Variants in EPB41L5 observed in about 807,000 individuals in gnomAD.
EPB41L5 encodes band 4.1-like protein 5.
A neutral mutation model predicts 106.6 loss-of-function variants in EPB41L5; 55 were observed. The observed-to-expected ratio is 0.52, with a 90% CI of 0.42 to 0.65. The LOEUF (loss-of-function observed/expected upper bound fraction) is 0.65. Among genes scored for constraint, EPB41L5 ranks in the 30% least tolerant of loss-of-function variants. The pLI, the probability that EPB41L5 is intolerant of heterozygous loss-of-function variation, is 0.00. For missense variants in EPB41L5, 871 were observed against 882.1 expected (o/e 0.99, Z 0.16); for synonymous variants, 297 against 306.7 (o/e 0.97, Z 0.33).
At chr2:120,020,569 T>A (rs1322644432) in intron 2 of EPB41L5, among the ~76,000 whole-genome samples, 1 of 136,900 alleles carries the variant, frequency 7.3e-6, no homozygotes, top group Admixed American at 7.9e-5. Flanking sequence ...TGTAAGTGCT[T>A]CTTGAGGGTT....
chr2:120,019,372 T>G, intron 2 of EPB41L5, 108 bp downstream of exon 2: 2 of 986,294 alleles, frequency 2.0e-6, no homozygotes, highest in Non-Finnish European at 3.0e-6. Flanking sequence ...GTAAAGGTAT[T>G]ATGGGTTAGT....
chr2:120,107,850 T>C (rs1010734926), intron 16 of EPB41L5, among the ~76,000 whole-genome samples: 10 of 152,224 alleles, frequency 6.6e-5, no homozygotes, highest in Non-Finnish European at 1.3e-4. Flanking sequence ...GTGTAAAATA[T>C]GTCAAGGAAC....
chr2:120,142,926 T>A, intron 18 of EPB41L5, 77 bp from the exon 19 acceptor site: 1 of 1,327,764 alleles, frequency 7.5e-7, no homozygotes, highest in Non-Finnish European at 1.1e-6. Flanking sequence ...GCAGATGAAC[T>A]TTCATCAGTC....
chr2:120,078,608 C>G (rs376968467), intron 10 of EPB41L5, 27 bp downstream of exon 10: 7 of 1,492,688 alleles, frequency 4.7e-6, no homozygotes, highest in Non-Finnish European at 6.5e-6. Flanking sequence ...GTCAAAGATA[C>G]TTACTGTTGT....
In EPB41L5 at chr2:120,158,557, C is replaced by G. The variant is rs774864294; in HGVS notation, c.1794-2324C>G. On this transcript the variant is annotated intron_variant, in intron 20 of 24. Transcript: ENST00000263713. Reference sequence around the variant, plus strand: ...TCAACACTGCTTCGGGTTAAAAACTCTCAATAAAAGAAGTATTCAAGGAAC... The same window carrying G: ...TCAACACTGCTTCGGGTTAAAAACTGTCAATAAAAGAAGTATTCAAGGAAC... Among the ~76,000 whole-genome samples, 137 of 152,154 alleles carry G rather than the reference C, an allele frequency of 9.0e-4. 3 individuals are homozygous for G. The highest frequency in any genetic ancestry group is 2.6e-4 in the Non-Finnish European group (18 of 68,028).
intron 20 of EPB41L5, among the ~76,000 whole-genome samples, chr2:120,155,177 G>A (rs953498329): frequency 6.6e-6 from 1 of 152,070 alleles, no homozygotes; most frequent in Non-Finnish European, 1.5e-5. Context: ...AGCATTTTAT[G>A]TAAGGAATAT....
In EPB41L5 at chr2:120,093,161, G is replaced by A; in HGVS notation, c.1151-88G>A. ...ATGGTTGTGAAACATGGCTTGTAAA[G>A]CAATTAGTTAAAGTTTTGCTTTGAA... On this transcript the variant is annotated intron_variant, in intron 13 of 24. Transcript: ENST00000263713. 5 of 1,033,334 alleles carry A rather than the reference G, an allele frequency of 4.8e-6. No homozygotes were observed. In the East Asian group the frequency reaches 7.1e-5, roughly 15 times the overall value. The allele number at this position is 1,033,334 out of a possible 1,614,324, so 64.0% of individuals were successfully genotyped here.
At position 120,019,372 on chromosome 2, in the gene EPB41L5, T is replaced by C. The variant is rs1214481837; in HGVS notation, c.180+108T>C. On this transcript the variant is annotated intron_variant, in intron 2 of 24. Transcript: ENST00000263713. ...TCTGGATGGAAATAAGTAAAGGTAT[T>C]ATGGGTTAGTATAGATCAGGCACTG... is the stretch of plus-strand genomic sequence containing the variant. 8.1e-6 allele frequency: 8 copies of C among 986,180 alleles called. No individual in the cohort carries two copies. The African/African-American group carries it at 1.2e-4, about 15-fold the overall frequency. 61.1% of individuals were successfully genotyped at this position (986,180 alleles called of 1,614,324 possible). A position where few individuals can be genotyped will look rare whatever the true frequency, so the allele number is the denominator to read the frequency against.
At chr2:120,131,858 A>G in intron 18 of EPB41L5, 143 bp downstream of exon 18, 1 of 620,144 alleles carries the variant, frequency 1.6e-6, no homozygotes, top group South Asian at 2.3e-5. Context: ...TTCTCATTTT[A>G]AAGGGTGAAA....
intron 20 of EPB41L5, among the ~76,000 whole-genome samples, chr2:120,153,687 A>G (rs938679343): frequency 3.3e-5 from 5 of 152,064 alleles, no homozygotes; most frequent in South Asian, 2.1e-4. Flanking sequence ...ATAGTTCTGT[A>G]TATGTTTGTA....
intron 16 of EPB41L5, among the ~76,000 whole-genome samples, chr2:120,122,254 C>T (rs553519812): frequency 1.0e-3 from 152 of 152,246 alleles, no homozygotes; most frequent in African/African-American, 3.5e-3. Flanking sequence ...CTTGCCCATG[C>T]CTATATTCTG....
At chr2:120,098,156 T>TCGTGTGTGTGTGTGTG (rs146897019) in intron 14 of EPB41L5, among the ~76,000 whole-genome samples, 1 of 133,670 alleles carries the variant, frequency 7.5e-6, no homozygotes, top group Non-Finnish European at 1.6e-5. Context: ...ATTGTTTGTT[T>TCGTGTGTGTGTGTGTG]TGTGTGTGTG....
At chr2:120,150,881 T>C (rs1023036162) in intron 20 of EPB41L5, among the ~76,000 whole-genome samples, 4 of 152,256 alleles carry the variant, frequency 2.6e-5, no homozygotes, top group Non-Finnish European at 4.4e-5. Context: ...CGAAGTCTAA[T>C]TTATCTACTT....
Position 120,019,161 on chromosome 2 carries a change from C to G in EPB41L5, c.77C>G (p.Ala26Gly), listed in dbSNP as rs765908709. 2 of 1,614,066 alleles carry G rather than the reference C, an allele frequency of 1.2e-6. No homozygotes were observed. Residue 26 changes from alanine (A) to glycine (G), a missense_variant, in exon 2 of 25, where the codon GCA becomes GGA. Transcript: ENST00000263713. ...GCAGAGAAGGAACGACTCCGAGAAGCACAACGCGCCGCCACACATATTCCT... is the reference window on the plus strand; with the variant it reads ...GCAGAGAAGGAACGACTCCGAGAAGGACAACGCGCCGCCACACATATTCCT... ...KHAEKERLRE[A>G]QRAATHIPAA...
intron 20 of EPB41L5, among the ~76,000 whole-genome samples, chr2:120,149,133 T>C (rs965863731): frequency 6.6e-6 from 1 of 152,226 alleles, no homozygotes; most frequent in Non-Finnish European, 1.5e-5. Flanking sequence ...GAACATCCTT[T>C]CGTGTATGTC....
At chr2:120,169,603 TCCCTCTCTCACC>T (rs1687578332) in intron 24 of EPB41L5, among the ~76,000 whole-genome samples, 1 of 152,176 alleles carries the variant, frequency 6.6e-6, no homozygotes, top group Non-Finnish European at 1.5e-5. Flanking sequence ...TGTCTCTCTC[TCCCTCTCTCACC>T]CCCTTCCCTT....
intron 10 of EPB41L5, among the ~76,000 whole-genome samples, chr2:120,086,131 G>T (rs1053393252): frequency 1.3e-5 from 2 of 152,080 alleles, no homozygotes; most frequent in Non-Finnish European, 2.9e-5. Flanking sequence ...AACCTGGGAG[G>T]TGGAGGTTGT....
At chr2:120,100,601 A>G (rs1202089144) in intron 15 of EPB41L5, 98 bp from the exon 16 acceptor site, 1 of 853,106 alleles carries the variant, frequency 1.2e-6, no homozygotes. Context: ...ATACATTTTA[A>G]TTGTTGGCTT....
At chr2:120,035,252 TA>T (rs1422915917) in intron 2 of EPB41L5, among the ~76,000 whole-genome samples, 1 of 152,232 alleles carries the variant, frequency 6.6e-6, no homozygotes, top group African/African-American at 2.4e-5. Context: ...AAGATTCTTC[TA>T]AAAAAATTTT....
Sources: gnomAD v4.1 joint callset for allele counts (sites outside exome capture counted in the v4.1 genomes callset) on GRCh38, gnomAD v4.1.1 for gene constraint, MANE v1.5 for transcripts, NCBI Gene and HGNC (gene_info 2026-07-23, HGNC 2026-07-21) for gene names.